The following GRID2 variants were observed in gnomAD, a reference collection of about 807,000 sequenced individuals.
The protein encoded by GRID2 is glutamate receptor ionotropic, delta-2.
GRID2 carries 33 observed loss-of-function variants against 114.8 expected under a neutral mutation model. The ratio of observed to expected loss-of-function variants is 0.29; its 90% CI spans 0.22 to 0.38. The LOEUF (loss-of-function observed/expected upper bound fraction) is 0.38, where lower values mean the gene tolerates loss of function less well. GRID2 is among the 10% of genes least tolerant of loss of function. GRID2 has a pLI of 1.00. For missense variants in GRID2, 1,184 were observed against 1,257.7 expected, an observed-to-expected ratio of 0.94 and a Z score of 0.89; for synonymous variants, 505 against 449.9, an observed-to-expected ratio of 1.12 and a Z score of -1.55.
At chr4:92,729,162 A>G (rs1736208763) in intron 2 of GRID2, among the ~76,000 whole-genome samples, 2 of 152,056 alleles carry the variant, frequency 1.3e-5, no homozygotes, top group South Asian at 4.2e-4. Flanking sequence ...TCAATGATCT[A>G]TCTCTGACAT....
intron 11 of GRID2, among the ~76,000 whole-genome samples, chr4:93,466,986 T>C (rs1037710425): frequency 1.1e-4 from 16 of 152,164 alleles, no homozygotes; most frequent in African/African-American, 3.9e-4. Flanking sequence ...ACCTATGAAA[T>C]ACAATTTAAC....
At chr4:93,546,823 A>G (rs545274652) in intron 13 of GRID2, among the ~76,000 whole-genome samples, 2 of 152,272 alleles carry the variant, frequency 1.3e-5, no homozygotes, top group Admixed American at 1.3e-4. Flanking sequence ...TTCTTTAAAG[A>G]GTAATATTAA....
At chr4:92,792,503 A>ACACT (rs1414040335) in intron 2 of GRID2, among the ~76,000 whole-genome samples, 38 of 135,942 alleles carry the variant, frequency 2.8e-4, no homozygotes, top group African/African-American at 1.0e-3. Context: ...ACACACACAC[A>ACACT]CTGTCACTCT....
At chr4:93,675,786 T>C (rs1215695868) in intron 14 of GRID2, among the ~76,000 whole-genome samples, 2 of 152,230 alleles carry the variant, frequency 1.3e-5, no homozygotes, top group Non-Finnish European at 2.9e-5. Flanking sequence ...TGTTTTATTT[T>C]TGATCATAGA....
intron 1 of GRID2, among the ~76,000 whole-genome samples, chr4:92,565,587 C>A (rs1212602919): frequency 6.6e-6 from 1 of 151,920 alleles, no homozygotes; most frequent in Non-Finnish European, 1.5e-5. Flanking sequence ...ATTTATCTAT[C>A]CATTTCTATA....
At chr4:93,286,723 G>GTGTGTGTGTGTTTGGCCTGCAAAGGAC (rs149683855) in intron 8 of GRID2, among the ~76,000 whole-genome samples, 1 of 150,696 alleles carries the variant, frequency 6.6e-6, no homozygotes, top group African/African-American at 2.5e-5. Context: ...GTGTGTGTAT[G>GTGTGTGTGTGTTTGGCCTGCAAAGGAC]TTCCCACATT....
intron 2 of GRID2, among the ~76,000 whole-genome samples, chr4:92,807,445 G>A (rs113641880): frequency 2.0e-5 from 3 of 151,990 alleles, no homozygotes; most frequent in African/African-American, 7.2e-5. Context: ...AAATGTCAAA[G>A]TAAGTATCAG....
intron 14 of GRID2, among the ~76,000 whole-genome samples, chr4:93,742,371 T>G (rs1291455930): frequency 6.6e-6 from 1 of 152,224 alleles, no homozygotes; most frequent in Admixed American, 6.5e-5. Flanking sequence ...TAGAGTATTC[T>G]GAGGATGAAA....
intron 1 of GRID2, among the ~76,000 whole-genome samples, chr4:92,387,771 C>G (rs1730039720): frequency 2.0e-5 from 3 of 151,892 alleles, no homozygotes; most frequent in South Asian, 4.1e-4. Context: ...AGGGGCCTTC[C>G]TAAAATTTCT....
chr4:93,053,897 C>T (rs1431697927), intron 2 of GRID2, among the ~76,000 whole-genome samples: 1 of 151,868 alleles, frequency 6.6e-6, no homozygotes, highest in Non-Finnish European at 1.5e-5. Context: ...TTTTGTGCCA[C>T]ACTCTGCCCA....
intron 12 of GRID2, among the ~76,000 whole-genome samples, chr4:93,499,617 G>T (rs1024643675): frequency 6.6e-6 from 1 of 151,794 alleles, no homozygotes; most frequent in African/African-American, 2.4e-5. Context: ...TTCCCAGGCA[G>T]AATTAGCCAT....
intron 4 of GRID2, among the ~76,000 whole-genome samples, chr4:93,172,886 A>G (rs928693807): frequency 4.6e-5 from 7 of 152,068 alleles, no homozygotes; most frequent in Non-Finnish European, 1.0e-4. Flanking sequence ...TTTGAATTGC[A>G]TCTTTAAAAA....
At chr4:93,398,693 G>A (rs981823037) in intron 9 of GRID2, among the ~76,000 whole-genome samples, 1 of 150,174 alleles carries the variant, frequency 6.7e-6, no homozygotes, top group Non-Finnish European at 1.5e-5. Context: ...TTTCCTGCAA[G>A]CTTAGCCCTG....
chr4:92,743,262 A>T (rs1736984390), intron 2 of GRID2, among the ~76,000 whole-genome samples: 1 of 152,174 alleles, frequency 6.6e-6, no homozygotes, highest in Non-Finnish European at 1.5e-5. Flanking sequence ...GGGCAACAGA[A>T]TGAGACCCTG....
intron 8 of GRID2, among the ~76,000 whole-genome samples, chr4:93,355,192 C>T (rs1010134051): frequency 1.3e-5 from 2 of 151,906 alleles, no homozygotes; most frequent in Non-Finnish European, 2.9e-5. Context: ...GAACAAACCA[C>T]CCCAACACTT....
At chr4:93,546,777 A>G (rs963237165) in intron 13 of GRID2, among the ~76,000 whole-genome samples, 3 of 152,212 alleles carry the variant, frequency 2.0e-5, no homozygotes, top group East Asian at 3.8e-4. Context: ...TTAGAGGACC[A>G]TGTTGAAAAT....
At chr4:93,728,808 C>A (rs1444571635) in intron 14 of GRID2, among the ~76,000 whole-genome samples, 1 of 151,926 alleles carries the variant, frequency 6.6e-6, no homozygotes, top group African/African-American at 2.4e-5. Context: ...AGGATTGCAA[C>A]CCCTGCCTTT....
At chr4:92,543,123 C>T (rs1300765438) in intron 1 of GRID2, among the ~76,000 whole-genome samples, 1 of 152,050 alleles carries the variant, frequency 6.6e-6, no homozygotes, top group African/African-American at 2.4e-5. Context: ...TTTCCTTGAA[C>T]ACTTGGAGTC....
At chr4:92,629,791 CTTG>C (rs760132839) in intron 2 of GRID2, among the ~76,000 whole-genome samples, 7 of 133,672 alleles carry the variant, frequency 5.2e-5, no homozygotes, top group South Asian at 2.3e-4. Context: ...TTTTTTTTTT[CTTG>C]TTCTTTACTG....
Sources: allele counts gnomAD v4.1 joint callset (sites outside exome capture counted in the v4.1 genomes callset), GRCh38; gene constraint gnomAD v4.1.1; transcripts MANE v1.5; gene names NCBI Gene and HGNC (gene_info 2026-07-23, HGNC 2026-07-21).